Variants in NSFL1C observed in about 807,000 individuals in gnomAD.
NSFL1C encodes NSFL1 cofactor p47.
Under a neutral mutation model 43.1 loss-of-function variants are expected in NSFL1C, and 14 were observed. The ratio of observed to expected loss-of-function variants is 0.32; its 90% CI spans 0.21 to 0.51. The LOEUF (loss-of-function observed/expected upper bound fraction) is 0.51. Ranked by LOEUF, NSFL1C falls within the 20% of genes least tolerant of loss-of-function variation. The pLI, the probability that NSFL1C is intolerant of heterozygous loss-of-function variation, is 0.98. For missense variants in NSFL1C, 406 were observed against 472.5 expected (o/e 0.86, Z 1.30); for synonymous variants, 171 against 183.5 (o/e 0.93, Z 0.55).
intron 3 of NSFL1C, chr20:1,456,897 T>G (rs560541050): frequency 4.6e-5 from 7 of 152,230 alleles, no homozygotes; most frequent in African/African-American, 1.7e-4. Context: ...TTATAGCATA[T>G]GAAAAGGCAT....
At chr20:1,448,608 G>A (rs1417417605) in intron 7 of NSFL1C, among the ~76,000 whole-genome samples, 1 of 152,200 alleles carries the variant, frequency 6.6e-6, no homozygotes, top group East Asian at 1.9e-4. Context: ...ATTAGGTGAG[G>A]CAGGGTGGCC....
intron 4 of NSFL1C, 78 bp downstream of exon 4, chr20:1,454,889 C>T: frequency 6.8e-7 from 1 of 1,472,520 alleles, no homozygotes. Context: ...AAATCAGTCA[C>T]TACCGGGGTG....
intron 3 of NSFL1C, among the ~76,000 whole-genome samples, chr20:1,457,310 G>C (rs765565530): frequency 2.0e-5 from 3 of 151,966 alleles, no homozygotes; most frequent in Non-Finnish European, 4.4e-5. Context: ...TTTTAAAATT[G>C]TAAATTGGCA....
At chr20:1,450,574 C>G (rs756057571) in intron 7 of NSFL1C, among the ~76,000 whole-genome samples, 1 of 152,192 alleles carries the variant, frequency 6.6e-6, no homozygotes, top group African/African-American at 2.4e-5. Flanking sequence ...CCAATAGAAA[C>G]ATTTCCTGTT....
At chr20:1,450,790 TC>T (rs1484838064) in intron 7 of NSFL1C, among the ~76,000 whole-genome samples, 5 of 152,226 alleles carry the variant, frequency 3.3e-5, no homozygotes, top group Non-Finnish European at 2.9e-5. Context: ...ATGTTGTAAT[TC>T]TGGTAGCTGC....
chr20:1,464,500 G>A, intron 1 of NSFL1C, 74 bp from the exon 2 acceptor site: 1 of 1,249,840 alleles, frequency 8.0e-7, no homozygotes, highest in Non-Finnish European at 1.2e-6. Context: ...TGAGCACAAA[G>A]GAATACAGAC....
rs759813825 is a variant in NSFL1C, at chr20:1,466,841, T to C, written c.-17A>G. 4.5e-5 allele frequency: 68 copies of C among 1,520,272 alleles called. No individual in the cohort carries two copies. The African/African-American group carries it at 9.4e-4, about 21-fold the overall frequency. 94.2% of individuals were successfully genotyped at this position (1,520,272 alleles called of 1,614,324 possible). On this transcript the variant is annotated 5_prime_UTR_variant, in exon 1 of 9. Transcript: ENST00000216879. ...CGCCGCCATCTTCGCCCCGTGCGCC[T>C]TCCAAAGCGCTCCGGCGGCCGCCGC...
At chr20:1,450,853 G>GA (rs1396461317) in intron 7 of NSFL1C, among the ~76,000 whole-genome samples, 1 of 152,150 alleles carries the variant, frequency 6.6e-6, no homozygotes, top group Non-Finnish European at 1.5e-5. Flanking sequence ...TTATGGGCTA[G>GA]AAAATTATGT....
At chr20:1,464,498 A>G in intron 1 of NSFL1C, 72 bp from the exon 2 acceptor site, 1 of 1,266,946 alleles carries the variant, frequency 7.9e-7, no homozygotes, top group Non-Finnish European at 1.2e-6. Flanking sequence ...TTTGAGCACA[A>G]AGGAATACAG....
chr20:1,447,426 T>G (rs1031540612), intron 7 of NSFL1C, among the ~76,000 whole-genome samples: 4 of 96,808 alleles, frequency 4.1e-5, no homozygotes, highest in South Asian at 3.1e-4. Context: ...ATGTTATGAG[T>G]TTTTTTTTTT....
Position 1,466,747 on chromosome 20 carries a change from A to G in NSFL1C, c.78T>C (p.Phe26=), listed in dbSNP as rs1422903547. The G allele has an allele frequency of 1.3e-6, 2 of 1,564,094 alleles. No homozygotes were observed. The highest frequency in any genetic ancestry group is 1.7e-6 in the Non-Finnish European group (2 of 1,157,700). ...TGAEEDRARF[F]LESAGWDLQI... The stretch of plus-strand genomic sequence containing the variant: ...GCAAGTCCCAGCCGGCCGACTCGAG[A>G]AAGAAGCGGGCCCGGTCCTCCTCGG... Residue 26 remains phenylalanine (F), a synonymous_variant, in exon 1 of 9, where the codon TTT becomes TTC. Transcript: ENST00000216879.
intron 3 of NSFL1C, chr20:1,455,915 A>G: frequency 1.6e-6 from 1 of 631,974 alleles, no homozygotes; most frequent in Non-Finnish European, 2.9e-6. Flanking sequence ...AATCTCAAAT[A>G]CAAGCCCCAA....
intron 2 of NSFL1C, among the ~76,000 whole-genome samples, chr20:1,461,272 T>C (rs567240402): frequency 6.6e-6 from 1 of 152,182 alleles, no homozygotes; most frequent in African/African-American, 2.4e-5. Flanking sequence ...CAGTAGTACA[T>C]GGATATAGTC....
chr20:1,444,861 AAGG>A (rs914813035), intron 8 of NSFL1C, among the ~76,000 whole-genome samples: 1 of 152,166 alleles, frequency 6.6e-6, no homozygotes, highest in African/African-American at 2.4e-5. Context: ...GTTCCTGATG[AAGG>A]AGGTCTCAAT....
rs1200688649 is a variant in NSFL1C, at chr20:1,466,663, G to A, written c.105+57C>T. ...CGGCCGCCGCGGGCTTAAGGCACCA[G>A]GCGCCCGCTCCCAGCAGTCCCCGGC... On this transcript the variant is annotated intron_variant, in intron 1 of 8. Coordinates refer to ENST00000216879, the MANE Select transcript of NSFL1C (RefSeq NM_016143.5). 4.0e-6 allele frequency: 6 copies of A among 1,482,246 alleles called. No homozygotes were observed. The Admixed American group carries it at 1.2e-4, about 30-fold the overall frequency. The allele number at this position is 1,482,246 out of a possible 1,614,324, so 91.8% of individuals were successfully genotyped here.
chr20:1,454,283 C>T lies in NSFL1C; in HGVS notation c.467G>A (p.Arg156His), dbSNP rs1451111789. ...KPRPFAGGGY[R>H]LGAAPEEESA... Reference sequence around the variant, plus strand: ...CTCTTCCTCTGGTGCTGCCCCAAGGCGGTAGCCACCTCCTGCAAATGGCTA... The same window carrying T: ...CTCTTCCTCTGGTGCTGCCCCAAGGTGGTAGCCACCTCCTGCAAATGGCTA... The change falls in exon 5 of 9, where the codon CGC becomes CAC. Residue 156 changes from arginine (R) to histidine (H), a missense_variant. Arg to His is a conservative substitution (Grantham distance 29). This residue lies in a region of NSFL1C where 203 missense variants were observed against 216.3 expected (regional missense o/e 0.94). Transcript: ENST00000216879. 4.3e-6 allele frequency: 7 copies of T among 1,612,372 alleles called. No homozygotes were observed. Among genetic ancestry groups the T allele is most frequent in the Admixed American group, 1.7e-5 (1 of 60,008 alleles).
At chr20:1,450,510 A>G (rs1376711447) in intron 7 of NSFL1C, among the ~76,000 whole-genome samples, 2 of 152,208 alleles carry the variant, frequency 1.3e-5, no homozygotes, top group Non-Finnish European at 2.9e-5. Context: ...GACTTTAAAG[A>G]TATTTTAATT....
chr20:1,452,927 G>A (rs2090214966), intron 6 of NSFL1C, 104 bp downstream of exon 6: 2 of 771,150 alleles, frequency 2.6e-6, no homozygotes, highest in Non-Finnish European at 4.6e-6. Context: ...TGCTGAATCT[G>A]CTTCAAACAA....
At chr20:1,452,662 A>T in intron 6 of NSFL1C, 32 bp from the exon 7 acceptor site, 1 of 1,612,280 alleles carries the variant, frequency 6.2e-7, no homozygotes, top group South Asian at 1.1e-5. Flanking sequence ...TGAGGTCCAC[A>T]GAGAGAAGAT....
Sources: gnomAD v4.1 joint callset for allele counts (sites outside exome capture counted in the v4.1 genomes callset) on GRCh38, gnomAD v4.1.1 for gene constraint, gnomAD v4.1.1 regional missense constraint, MANE v1.5 for transcripts, NCBI Gene and HGNC (gene_info 2026-07-23, HGNC 2026-07-21) for gene names.